The following DIAPH2 variants were observed in gnomAD, a reference collection of about 807,000 sequenced individuals.
DIAPH2 encodes protein diaphanous homolog 2.
In DIAPH2, 35 loss-of-function variants were observed where a neutral mutation model predicts 92.7. The ratio of observed to expected loss-of-function variants is 0.38; its 90% CI spans 0.29 to 0.50. The LOEUF (loss-of-function observed/expected upper bound fraction) is 0.50, where lower values mean the gene tolerates loss of function less well. Ranked by LOEUF, DIAPH2 falls within the 20% of genes least tolerant of loss-of-function variation. DIAPH2 has a pLI of 0.94. For synonymous variants in DIAPH2, 301 were observed against 280.4 expected, an observed-to-expected ratio of 1.07 and a Z score of -0.73; for missense variants, 701 against 819.5, an observed-to-expected ratio of 0.86 and a Z score of 1.77.
chrX:96,728,164 G>A (rs2064033166), intron 1 of DIAPH2, among the ~76,000 whole-genome samples: 1 of 110,925 alleles, frequency 9.0e-6, no homozygotes, highest in Non-Finnish European at 1.9e-5. Context: ...CGACATACCT[G>A]AGAAACTCAT....
intron 4 of DIAPH2, among the ~76,000 whole-genome samples, chrX:96,807,158 C>T (rs1340617305): frequency 1.8e-5 from 2 of 112,115 alleles, no homozygotes; most frequent in Admixed American, 1.9e-4. Context: ...ATGTTCTGGA[C>T]TTATTGTTGA....
At chrX:97,178,204 G>A (rs977333124) in intron 22 of DIAPH2, among the ~76,000 whole-genome samples, 7 of 110,246 alleles carry the variant, frequency 6.3e-5, no homozygotes, top group Non-Finnish European at 1.1e-4. Flanking sequence ...ACACCACTGC[G>A]CTCCAGCCTG....
intron 22 of DIAPH2, among the ~76,000 whole-genome samples, chrX:97,220,687 T>C (rs1021652426): frequency 2.9e-4 from 33 of 111,988 alleles, no homozygotes; most frequent in African/African-American, 1.1e-3. Context: ...TAACATGCTG[T>C]GCCAATTTTG....
At chrX:97,317,070 G>C (rs2068846867) in intron 23 of DIAPH2, among the ~76,000 whole-genome samples, 1 of 112,322 alleles carries the variant, frequency 8.9e-6, no homozygotes, top group Non-Finnish European at 1.9e-5. Flanking sequence ...TGAAAAGTAA[G>C]AATGTCTTTA....
Position 96,741,102 on chromosome X carries a change from G to A in DIAPH2, c.342+2340G>A, listed in dbSNP as rs112013873. Among the ~76,000 whole-genome samples, 828 of 108,142 alleles carry A rather than the reference G, an allele frequency of 7.7e-3. 7 individuals carry two copies. The highest frequency in any genetic ancestry group is 0.027 in the African/African-American group (792 of 29,738). 93.9% of individuals were successfully genotyped at this position (108,142 alleles called of 115,157 possible). On this transcript the variant is annotated intron_variant, in intron 3 of 26. Transcript: ENST00000324765. Reference sequence around the variant, plus strand: ...CACCATAGATGAAATTTTCATGTCCGCATTCTTCTGCTTGTGTATAAATTT... The same window carrying A: ...CACCATAGATGAAATTTTCATGTCCACATTCTTCTGCTTGTGTATAAATTT...
At chrX:96,829,441 GTATATA>G (rs748376906) in intron 4 of DIAPH2, among the ~76,000 whole-genome samples, 2 of 56,179 alleles carry the variant, frequency 3.6e-5, no homozygotes, top group Non-Finnish European at 5.5e-5. Flanking sequence ...ATATATATAT[GTATATA>G]TATATATATA....
chrX:97,247,893 T>G, intron 23 of DIAPH2, 54 bp downstream of exon 23: 1 of 1,100,296 alleles, frequency 9.1e-7, no homozygotes, highest in African/African-American at 1.8e-5. Context: ...TATGTCTGTC[T>G]GTTTACTAAC....
At chrX:97,498,415 A>AT (rs1196707343) in intron 26 of DIAPH2, among the ~76,000 whole-genome samples, 1 of 111,191 alleles carries the variant, frequency 9.0e-6, no homozygotes, top group African/African-American at 3.3e-5. Context: ...CAGAGCAGAG[A>AT]TTTTCTGCTG....
chrX:96,877,388 G>A lies in DIAPH2; in HGVS notation c.448-4191G>A, dbSNP rs753427214. Among the ~76,000 whole-genome samples the A allele has an allele frequency of 1.1e-4, 12 of 111,859 alleles. No individual in the cohort carries two copies. In the South Asian group the frequency reaches 2.3e-3, roughly 21 times the overall value. ...AGCCAAAGAAATGGACTTCATTAGG[G>A]TTTGTAAATCATGGTCAATAACACT... On this transcript the variant is annotated intron_variant, in intron 4 of 26. Transcript: ENST00000324765.
At chrX:97,515,431 AC>A (rs1342334687) in intron 26 of DIAPH2, among the ~76,000 whole-genome samples, 2 of 111,795 alleles carry the variant, frequency 1.8e-5, no homozygotes, top group African/African-American at 6.5e-5. Context: ...AGTGAGATGA[AC>A]CCGGTACCTC....
intron 23 of DIAPH2, among the ~76,000 whole-genome samples, chrX:97,261,889 C>A (rs886788258): frequency 2.2e-4 from 24 of 111,307 alleles, no homozygotes; most frequent in Admixed American, 1.8e-3. Context: ...CCTTGTTCTG[C>A]TCAAACATTA....
chrX:97,079,287 C>T (rs1215051365), intron 19 of DIAPH2, among the ~76,000 whole-genome samples: 1 of 111,160 alleles, frequency 9.0e-6, no homozygotes, highest in Non-Finnish European at 1.9e-5. Context: ...AGGAAAGGTA[C>T]TCTTAGCTGC....
At position 97,352,603 on chromosome X, in the gene DIAPH2, C is replaced by G. The variant is rs1421148090; in HGVS notation, c.3009+4323C>G. On this transcript the variant is annotated intron_variant, in intron 24 of 26. Coordinates refer to ENST00000324765, the MANE Select transcript of DIAPH2 (RefSeq NM_006729.5). The stretch of plus-strand genomic sequence containing the variant: ...ACAGCATACAGGCCAGGCTCAGTGG[C>G]TCAAGCCGGTAATCCCAGCACTTTG... Among the ~76,000 whole-genome samples the G allele has an allele frequency of 3.7e-5, 4 of 109,529 alleles. 1 individual carries two copies. Among genetic ancestry groups the G allele is most frequent in the Non-Finnish European group, 5.7e-5 (3 of 52,257 alleles).
chrX:96,728,206 T>C (rs962477469), intron 1 of DIAPH2, among the ~76,000 whole-genome samples: 50 of 110,072 alleles, frequency 4.5e-4, no homozygotes, highest in African/African-American at 7.9e-4. Flanking sequence ...TGTTTTTATA[T>C]GGTTAGTTTT....
chrX:97,445,609 T>G (rs987069157), intron 26 of DIAPH2, among the ~76,000 whole-genome samples: 18 of 108,337 alleles, frequency 1.7e-4, no homozygotes, highest in South Asian at 4.0e-4. Context: ...TTTTGTTGTT[T>G]TTTTTTTTTT....
intron 3 of DIAPH2, among the ~76,000 whole-genome samples, chrX:96,745,854 A>G (rs1231596600): frequency 1.8e-5 from 2 of 112,082 alleles, no homozygotes; most frequent in African/African-American, 6.5e-5. Context: ...GGACTTTCTA[A>G]GTAATGGTAT....
intron 26 of DIAPH2, among the ~76,000 whole-genome samples, chrX:97,590,032 C>A (rs2071507089): frequency 8.9e-6 from 1 of 112,543 alleles, no homozygotes; most frequent in Non-Finnish European, 1.9e-5. Flanking sequence ...TTTGTTCATA[C>A]AACTGGTTAA....
intron 1 of DIAPH2, among the ~76,000 whole-genome samples, chrX:96,707,880 T>C (rs991622820): frequency 9.0e-6 from 1 of 111,574 alleles, no homozygotes; most frequent in African/African-American, 3.3e-5. Context: ...TTCTAAAAAG[T>C]GTTTGCAAGG....
chrX:96,879,230 G>T (rs934667443), intron 4 of DIAPH2, among the ~76,000 whole-genome samples: 2 of 110,462 alleles, frequency 1.8e-5, no homozygotes, highest in Non-Finnish European at 1.9e-5. Context: ...AGAATGTGGG[G>T]TGGGGAGAAG....
Sources: allele counts gnomAD v4.1 joint callset (sites outside exome capture counted in the v4.1 genomes callset), GRCh38; gene constraint gnomAD v4.1.1; transcripts MANE v1.5; gene names NCBI Gene and HGNC (gene_info 2026-07-23, HGNC 2026-07-21).